AUTS2: variants seen among roughly 807,000 people sequenced by gnomAD.
AUTS2 encodes activator of transcription and developmental regulator AUTS2.
In AUTS2, 17 loss-of-function variants were observed where a neutral mutation model predicts 112.4. The observed-to-expected ratio is 0.15, with a 90% CI of 0.10 to 0.23. AUTS2 has a LOEUF of 0.23. Ranked by LOEUF, AUTS2 falls within the 10% of genes least tolerant of loss-of-function variation. The pLI is 1.00. For missense variants in AUTS2, 1,510 were observed against 1,701.6 expected, an observed-to-expected ratio of 0.89 and a Z score of 1.98; for synonymous variants, 751 against 702.7, an observed-to-expected ratio of 1.07 and a Z score of -1.09.
At chr7:70,374,163 G>A (rs1029193944) in intron 4 of AUTS2, among the ~76,000 whole-genome samples, 29 of 152,134 alleles carry the variant, frequency 1.9e-4, no homozygotes, top group African/African-American at 6.8e-4. Flanking sequence ...AAGAAGCAGA[G>A]TGAGTCTGAG....
At chr7:70,112,022 G>A (rs1442135551) in intron 2 of AUTS2, among the ~76,000 whole-genome samples, 1 of 151,388 alleles carries the variant, frequency 6.6e-6, no homozygotes, top group Admixed American at 6.6e-5. Flanking sequence ...ACCTATACTT[G>A]CCTTTTTGTC....
At chr7:70,489,496 T>C (rs1311348602) in intron 5 of AUTS2, among the ~76,000 whole-genome samples, 2 of 152,240 alleles carry the variant, frequency 1.3e-5, no homozygotes, top group Non-Finnish European at 2.9e-5. Flanking sequence ...TGTGTCAACC[T>C]AGGACAAAGC....
intron 2 of AUTS2, among the ~76,000 whole-genome samples, chr7:70,026,531 G>T (rs1800532501): frequency 6.6e-6 from 1 of 152,124 alleles, no homozygotes; most frequent in African/African-American, 2.4e-5. Context: ...CTATAGCTTG[G>T]CATGGAACGA....
chr7:70,323,793 C>G (rs1033979328), intron 4 of AUTS2, among the ~76,000 whole-genome samples: 2 of 152,058 alleles, frequency 1.3e-5, no homozygotes, highest in African/African-American at 4.8e-5. Flanking sequence ...ACTGCTTAGC[C>G]CAGATGGTAA....
At chr7:69,687,619 A>G (rs1211080105) in intron 1 of AUTS2, among the ~76,000 whole-genome samples, 2 of 152,212 alleles carry the variant, frequency 1.3e-5, no homozygotes, top group African/African-American at 2.4e-5. Flanking sequence ...TAATGGATCA[A>G]TGTATAGGTA....
chr7:70,139,167 G>A (rs559188786), intron 4 of AUTS2, among the ~76,000 whole-genome samples: 16 of 152,048 alleles, frequency 1.1e-4, no homozygotes, highest in Middle Eastern at 3.4e-3. Flanking sequence ...GGGCTCTACC[G>A]TGTTGCCAAG....
intron 4 of AUTS2, among the ~76,000 whole-genome samples, chr7:70,408,108 G>A (rs1794619602): frequency 6.6e-6 from 1 of 151,612 alleles, no homozygotes; most frequent in Non-Finnish European, 1.5e-5. Flanking sequence ...TTGAGCCCAG[G>A]GTGTTGAGGC....
intron 4 of AUTS2, among the ~76,000 whole-genome samples, chr7:70,236,004 T>A (rs1812309027): frequency 6.6e-6 from 1 of 152,180 alleles, no homozygotes; most frequent in African/African-American, 2.4e-5. Flanking sequence ...TTCTTTACCT[T>A]GACCCTGTAT....
chr7:70,605,544 C>CTTTTTTTTTT (rs760981505), intron 5 of AUTS2, among the ~76,000 whole-genome samples: 1 of 40,540 alleles, frequency 2.5e-5, no homozygotes, highest in African/African-American at 1.6e-4. Flanking sequence ...TTCCTTCTTT[C>CTTTTTTTTTT]TCTTTTTTTT....
At chr7:70,481,764 A>G (rs1358086751) in intron 5 of AUTS2, among the ~76,000 whole-genome samples, 1 of 152,196 alleles carries the variant, frequency 6.6e-6, no homozygotes, top group Non-Finnish European at 1.5e-5. Context: ...CACAGTCCAC[A>G]GTCCTAGTTA....
intron 4 of AUTS2, among the ~76,000 whole-genome samples, chr7:70,160,962 C>T (rs1352220313): frequency 1.3e-5 from 2 of 152,088 alleles, no homozygotes; most frequent in East Asian, 1.9e-4. Context: ...AATTTCAACT[C>T]GGCTGGAATT....
At chr7:70,611,451 T>C (rs781441900) in intron 5 of AUTS2, among the ~76,000 whole-genome samples, 2 of 152,178 alleles carry the variant, frequency 1.3e-5, no homozygotes, top group Admixed American at 1.3e-4. Context: ...AAACCCTATG[T>C]CCCTGACATT....
intron 2 of AUTS2, among the ~76,000 whole-genome samples, chr7:69,914,763 G>T (rs1427608688): frequency 6.6e-6 from 1 of 151,964 alleles, no homozygotes; most frequent in Non-Finnish European, 1.5e-5. Flanking sequence ...GCAAATATTT[G>T]TGTGGGGCTC....
rs528893956 is a variant in AUTS2, at chr7:70,341,910, T to G, written c.661-93842T>G. 2.6e-5 allele frequency among the ~76,000 whole-genome samples: 4 copies of G among 152,340 alleles called. No homozygotes were observed. In the South Asian group the frequency reaches 8.3e-4, roughly 32 times the overall value. On this transcript the variant is annotated intron_variant, in intron 4 of 18. Coordinates refer to ENST00000342771, the MANE Select transcript of AUTS2 (RefSeq NM_015570.4). ...TAATTGGCAGTTATCACTTCAACTA[T>G]AGGTTCTGGTTTTCTTGATTTCTTT...
chr7:69,903,436 A>G (rs917438718), intron 2 of AUTS2, among the ~76,000 whole-genome samples: 2 of 152,228 alleles, frequency 1.3e-5, no homozygotes, highest in Non-Finnish European at 2.9e-5. Flanking sequence ...AAAATAGAGT[A>G]CCAATGATGA....
chr7:70,602,561 A>G (rs1303171712), intron 5 of AUTS2, among the ~76,000 whole-genome samples: 1 of 152,214 alleles, frequency 6.6e-6, no homozygotes, highest in Non-Finnish European at 1.5e-5. Context: ...TCCAAATGCT[A>G]TGAGATCACC....
intron 1 of AUTS2, among the ~76,000 whole-genome samples, chr7:69,722,358 T>C (rs1008381198): frequency 6.7e-6 from 1 of 149,040 alleles, no homozygotes; most frequent in Non-Finnish European, 1.5e-5. Flanking sequence ...CCTTGGCAAA[T>C]GGAGGTATTC....
intron 1 of AUTS2, among the ~76,000 whole-genome samples, chr7:69,764,196 T>C (rs1005702221): frequency 3.9e-5 from 6 of 152,172 alleles, no homozygotes; most frequent in Non-Finnish European, 7.3e-5. Context: ...TTTTGGATAA[T>C]TCTCTGAGCA....
chr7:69,936,638 T>C (rs1328043204), intron 2 of AUTS2, among the ~76,000 whole-genome samples: 1 of 152,136 alleles, frequency 6.6e-6, no homozygotes, highest in African/African-American at 2.4e-5. Flanking sequence ...CGTGAGCCAC[T>C]GTGCCTGGCT....
Sources: gnomAD v4.1 joint callset for allele counts (sites outside exome capture counted in the v4.1 genomes callset) on GRCh38, gnomAD v4.1.1 for gene constraint, MANE v1.5 for transcripts, NCBI Gene and HGNC (gene_info 2026-07-23, HGNC 2026-07-21) for gene names.